The following ST18 variants were observed in gnomAD, a reference collection of about 807,000 sequenced individuals.
ST18 encodes the protein suppression of tumorigenicity 18 protein.
A neutral mutation model predicts 110.0 loss-of-function variants in ST18; 50 were observed. The observed-to-expected ratio is 0.45, with a 90% confidence interval of 0.36 to 0.58. ST18 has a LOEUF of 0.58. Ranked by LOEUF, ST18 falls within the 20% of genes least tolerant of loss-of-function variation. ST18 has a pLI of 0.00. For missense variants in ST18, 1,306 were observed against 1,280.1 expected (o/e 1.02, Z -0.31); for synonymous variants, 461 against 452.4 (o/e 1.02, Z -0.24).
chr8:52,176,821 A>G (rs1388599868), intron 9 of ST18, among the ~76,000 whole-genome samples: 1 of 152,194 alleles, frequency 6.6e-6, no homozygotes, highest in Non-Finnish European at 1.5e-5. Context: ...GGATGTTATT[A>G]TAATTGGATT....
chr8:52,278,773 A>C (rs1426660175), intron 2 of ST18, among the ~76,000 whole-genome samples: 1 of 152,240 alleles, frequency 6.6e-6, no homozygotes, highest in Admixed American at 6.5e-5. Context: ...TCCCACCTTC[A>C]AACAATAATA....
rs1157366307 is a variant in ST18, at chr8:52,172,540, A to C, written c.321T>G (p.Thr107=). Residue 107 remains threonine (T), a synonymous_variant, in exon 10 of 26, where the codon ACT becomes ACG. Transcript: ENST00000689386. The part of the protein sequence containing the change: ...IKPMDESLLS[T]AQENSSRKED... ...CCTTCCTACTGGAGTTTTCTTGTGC[A>C]GTTGAAAGAAGACTTTCATCCATAG... 6.2e-7 allele frequency: 1 copy of C among 1,602,356 alleles called. No individual in the cohort carries two copies. The highest frequency in any genetic ancestry group is 8.5e-7 in the Non-Finnish European group (1 of 1,176,094).
intron 2 of ST18, among the ~76,000 whole-genome samples, chr8:52,381,185 T>C (rs1834370959): frequency 6.6e-6 from 1 of 152,176 alleles, no homozygotes; most frequent in African/African-American, 2.4e-5. Context: ...AGGAGAGGCA[T>C]GTCCCAGCTA....
chr8:52,136,595 C>T lies in ST18; in HGVS notation c.2295G>A (p.Glu765=). 6.2e-7 allele frequency: 1 copy of T among 1,610,766 alleles called. No individual in the cohort carries two copies. Among genetic ancestry groups the T allele is most frequent in the Non-Finnish European group, 8.5e-7 (1 of 1,178,790 alleles). The change falls in exon 19 of 26, where the codon GAG becomes GAA. Residue 765 remains glutamate, a synonymous_variant. Coordinates refer to ENST00000689386, the MANE Select transcript of ST18 (RefSeq NM_001352837.2). ...LKSLMAANSQ[E]LKCPTPGCDG... Reference sequence around the variant, plus strand: ...GCCACGCTTCCCGCACTTACTTAAGCTCCTGAGAGTTGGCAGCCATGAGGG... The same window carrying T: ...GCCACGCTTCCCGCACTTACTTAAGTTCCTGAGAGTTGGCAGCCATGAGGG...
chr8:52,391,624 C>T (rs1839346232), intron 2 of ST18, among the ~76,000 whole-genome samples: 2 of 152,196 alleles, frequency 1.3e-5, no homozygotes, highest in Non-Finnish European at 1.5e-5. Flanking sequence ...AGGACAGTCA[C>T]ATACTGTACA....
At chr8:52,270,665 C>A (rs149700160) in intron 2 of ST18, among the ~76,000 whole-genome samples, 1 of 151,852 alleles carries the variant, frequency 6.6e-6, no homozygotes, top group Non-Finnish European at 1.5e-5. Context: ...CCTGAATATA[C>A]GCAACTTTGA....
intron 16 of ST18, among the ~76,000 whole-genome samples, chr8:52,146,759 G>A (rs1362999252): frequency 2.0e-5 from 3 of 152,150 alleles, no homozygotes; most frequent in Non-Finnish European, 2.9e-5. Flanking sequence ...ATTCAGAACA[G>A]GATGTGAAAA....
At chr8:52,291,165 G>T (rs866489997) in intron 2 of ST18, among the ~76,000 whole-genome samples, 1 of 152,206 alleles carries the variant, frequency 6.6e-6, no homozygotes, top group South Asian at 2.1e-4. Flanking sequence ...GATTCCATCA[G>T]TCTTTTTCAC....
At chr8:52,132,664 T>C (rs1451466340) in intron 21 of ST18, among the ~76,000 whole-genome samples, 3 of 152,234 alleles carry the variant, frequency 2.0e-5, no homozygotes, top group Non-Finnish European at 4.4e-5. Flanking sequence ...CAACTTAATC[T>C]ATATCTGCAT....
At chr8:52,303,877 C>A (rs577916725) in intron 2 of ST18, among the ~76,000 whole-genome samples, 1 of 152,170 alleles carries the variant, frequency 6.6e-6, no homozygotes, top group African/African-American at 2.4e-5. Context: ...GTACAATTGG[C>A]AGGACTTGAA....
At chr8:52,348,264 A>G (rs1216066590) in intron 2 of ST18, among the ~76,000 whole-genome samples, 2 of 152,212 alleles carry the variant, frequency 1.3e-5, no homozygotes, top group Non-Finnish European at 2.9e-5. Context: ...AGAGCAAGGC[A>G]AGTGGATGCC....
rs2077292412 is a variant in ST18 at position 52,199,626 on chromosome 8, G to A, written c.86+12453C>T. 3 of 152,176 alleles carry A rather than the reference G, an allele frequency of 2.0e-5. No homozygotes were observed. The South Asian group carries it at 6.2e-4, about 32-fold the overall frequency. The allele number at this position is 152,176 out of a possible 1,614,324, so 9.4% of individuals were successfully genotyped here. Reference sequence around the variant, plus strand: ...AACTATAAGCTTAATTTTGATATATGATTTTCTGTTGCTTTTAAAAGATGG... The same window carrying A: ...AACTATAAGCTTAATTTTGATATATAATTTTCTGTTGCTTTTAAAAGATGG... On this transcript the variant is annotated intron_variant, in intron 8 of 25. Coordinates refer to ENST00000689386, the MANE Select transcript of ST18 (RefSeq NM_001352837.2).
intron 12 of ST18, among the ~76,000 whole-genome samples, chr8:52,164,744 G>T (rs2062406856): frequency 6.6e-6 from 1 of 152,116 alleles, no homozygotes. Flanking sequence ...AAGCCCTGTT[G>T]GTACCTTTTT....
In ST18 at chr8:52,113,108, C is replaced by T. The variant is rs766715761; in HGVS notation, c.*90G>A. On this transcript the variant is annotated 3_prime_UTR_variant, in exon 26 of 26. Transcript: ENST00000689386. ...CAAATTGTAAATGCAGTACGGCAAC[C>T]TCCACGCCTTAGCAGTACATGAACC... The T allele has an allele frequency of 1.6e-4, 244 of 1,498,470 alleles. No individual in the cohort carries two copies. The highest frequency in any genetic ancestry group is 2.1e-4 in the Non-Finnish European group (236 of 1,114,676). 92.8% of individuals were successfully genotyped at this position (1,498,470 alleles called of 1,614,324 possible).
At chr8:52,177,201 G>A (rs992365856) in intron 9 of ST18, among the ~76,000 whole-genome samples, 12 of 152,260 alleles carry the variant, frequency 7.9e-5, no homozygotes, top group Non-Finnish European at 1.3e-4. Context: ...TTGCAAGCTC[G>A]TCTCCTCAGG....
chr8:52,307,532 C>T (rs982404111), intron 2 of ST18, among the ~76,000 whole-genome samples: 6 of 152,200 alleles, frequency 3.9e-5, no homozygotes, highest in Non-Finnish European at 5.9e-5. Flanking sequence ...TCCTCACCCA[C>T]TGCATAACTT....
In ST18 at chr8:52,229,531, C is replaced by T. The variant is rs139723484; in HGVS notation, c.-419+501G>A. On this transcript the variant is annotated intron_variant, in intron 3 of 25. Transcript: ENST00000689386. Reference sequence around the variant, plus strand: ...CCTCCATTTTCAACACCAGCAATGGCGGGTAATGTTGAGTCCTGCTCACAT... The same window carrying T: ...CCTCCATTTTCAACACCAGCAATGGTGGGTAATGTTGAGTCCTGCTCACAT... Among the ~76,000 whole-genome samples, 70 of 152,296 alleles carry T rather than the reference C, an allele frequency of 4.6e-4. No homozygotes were observed. The Middle Eastern group carries it at 0.01, about 22-fold the overall frequency.
At chr8:52,276,059 T>TAC in intron 2 of ST18, among the ~76,000 whole-genome samples, 1 of 4,762 alleles carries the variant, frequency 2.1e-4, no homozygotes, top group African/African-American at 7.6e-4. Flanking sequence ...ACACCAGACA[T>TAC]CACACATACA....
chr8:52,139,006 A>G (rs929053974), intron 17 of ST18, among the ~76,000 whole-genome samples: 2 of 152,208 alleles, frequency 1.3e-5, no homozygotes. Context: ...GAGCATTCCC[A>G]TCTTTCAAAG....
Sources: allele counts gnomAD v4.1 joint callset (sites outside exome capture counted in the v4.1 genomes callset), GRCh38; gene constraint gnomAD v4.1.1; transcripts MANE v1.5; gene names NCBI Gene and HGNC (gene_info 2026-07-23, HGNC 2026-07-21).